Variants in HUNK observed in about 807,000 individuals in gnomAD.
HUNK encodes the protein hormonally up-regulated Neu-associated kinase.
HUNK carries 21 observed loss-of-function variants against 61.0 expected under a neutral mutation model. That is an observed-to-expected ratio of 0.34 (90% CI 0.24 to 0.50). HUNK has a LOEUF of 0.50. Among genes scored for constraint, HUNK ranks in the 20% least tolerant of loss-of-function variants. The pLI, the probability that HUNK is intolerant of heterozygous loss-of-function variation, is 0.98. For synonymous variants in HUNK, 371 were observed against 386.1 expected, an observed-to-expected ratio of 0.96 and a Z score of 0.46; for missense variants, 772 against 945.7, an observed-to-expected ratio of 0.82 and a Z score of 2.41.
chr21:31,878,917 T>C lies in HUNK; in HGVS notation c.261+4982T>C, dbSNP rs185501213. Among the ~76,000 whole-genome samples the C allele has an allele frequency of 1.7e-3, 262 of 152,310 alleles. 1 individual carries two copies. The highest frequency in any genetic ancestry group is 3.1e-3 in the Non-Finnish European group (213 of 68,026). On this transcript the variant is annotated intron_variant, in intron 1 of 10. Coordinates refer to ENST00000270112, the MANE Select transcript of HUNK (RefSeq NM_014586.2). The stretch of plus-strand genomic sequence containing the variant: ...AAAGTTGAGTACATAAAATGATTGG[T>C]TAAGATGTTGAAATATCTTGTTCTA...
chr21:31,883,878 G>A (rs984889643), intron 1 of HUNK, among the ~76,000 whole-genome samples: 5 of 152,156 alleles, frequency 3.3e-5, no homozygotes, highest in Admixed American at 2.6e-4. Flanking sequence ...GTTAACACCG[G>A]TGCCAGTTGG....
At chr21:31,950,048 G>A (rs1328253181) in intron 4 of HUNK, among the ~76,000 whole-genome samples, 1 of 152,208 alleles carries the variant, frequency 6.6e-6, no homozygotes, top group East Asian at 1.9e-4. Flanking sequence ...GACCTACGTG[G>A]TTTGCCCTAG....
At chr21:31,892,498 A>G (rs1439626973) in intron 1 of HUNK, among the ~76,000 whole-genome samples, 1 of 144,166 alleles carries the variant, frequency 6.9e-6, no homozygotes, top group Non-Finnish European at 1.5e-5. Context: ...TGAACCCAGG[A>G]GGCGGAGGTT....
At position 31,958,853 on chromosome 21, in the gene HUNK, A is replaced by G. The variant is rs987113909; in HGVS notation, c.757A>G (p.Met253Val). Residue 253 changes from methionine to valine, a missense_variant, in exon 5 of 11, where the codon ATG (methionine) becomes GTG (valine). Around this residue, in one of 2 missense-constraint regions of HUNK, gnomAD observed 359 missense variants for 501.3 expected, o/e 0.72. Coordinates refer to ENST00000270112, the MANE Select transcript of HUNK (RefSeq NM_014586.2). Reference sequence around the variant, plus strand: ...TGTCTCTCTTTTCAGAGGTGTGAACATGTATGCCATGTTGACCGGGACGCT... The same window carrying G: ...TGTCTCTCTTTTCAGAGGTGTGAACGTGTATGCCATGTTGACCGGGACGCT... ...KIDVWSIGVN[M>V]YAMLTGTLPF... 2 of 1,600,062 alleles carry G rather than the reference A, an allele frequency of 1.2e-6. No homozygotes were observed. Among genetic ancestry groups the G allele is most frequent in the African/African-American group, 2.7e-5 (2 of 74,568 alleles).
chr21:31,932,812 T>C (rs888678413), intron 2 of HUNK, among the ~76,000 whole-genome samples: 1 of 152,026 alleles, frequency 6.6e-6, no homozygotes, highest in Admixed American at 6.6e-5. Context: ...CTGGTTGGTA[T>C]ATCGGTGTTG....
At chr21:31,894,753 A>C (rs1445844388) in intron 1 of HUNK, among the ~76,000 whole-genome samples, 1 of 152,234 alleles carries the variant, frequency 6.6e-6, no homozygotes, top group Admixed American at 6.5e-5. Context: ...TTTAGCAAGC[A>C]GACAGCATTG....
intron 10 of HUNK, among the ~76,000 whole-genome samples, 189 bp downstream of exon 10, chr21:31,996,137 T>G (rs1009453655): frequency 6.6e-6 from 1 of 152,248 alleles, no homozygotes; most frequent in Non-Finnish European, 1.5e-5. Flanking sequence ...ATTAGCCATC[T>G]GTGCAGGAAG....
intron 2 of HUNK, among the ~76,000 whole-genome samples, chr21:31,929,992 A>G (rs1425157416): frequency 6.6e-6 from 1 of 152,240 alleles, no homozygotes; most frequent in Non-Finnish European, 1.5e-5. Context: ...TGCTGAGAGC[A>G]AGCACATATC....
At chr21:31,908,722 T>G (rs73900711) in intron 1 of HUNK, among the ~76,000 whole-genome samples, 4,447 of 152,182 alleles carry the variant, frequency 0.029, 238 homozygotes, top group African/African-American at 0.1. Flanking sequence ...ATCTGTTTGC[T>G]TTTAGATTAT....
At chr21:31,995,592 G>A (rs2053198903) in intron 9 of HUNK, among the ~76,000 whole-genome samples, 176 bp from the exon 10 acceptor site, 1 of 152,198 alleles carries the variant, frequency 6.6e-6, no homozygotes, top group Non-Finnish European at 1.5e-5. Context: ...AGAGGGAGAT[G>A]GGCTTCCTGG....
intron 2 of HUNK, among the ~76,000 whole-genome samples, chr21:31,928,587 C>G (rs2052676693): frequency 6.6e-6 from 1 of 152,166 alleles, no homozygotes; most frequent in Non-Finnish European, 1.5e-5. Flanking sequence ...ACTGGAGATA[C>G]AGGGACGATT....
rs200658316 is a variant in HUNK at position 31,873,664 on chromosome 21, C to CGGGCCGCG, written c.-9_-8insGCCGCGGG. 8.0e-4 allele frequency: 795 copies of CGGGCCGCG among 992,370 alleles called. No individual in the cohort carries two copies. The highest frequency in any genetic ancestry group is 9.4e-4 in the Non-Finnish European group (782 of 835,922). 61.5% of individuals were successfully genotyped at this position (992,370 alleles called of 1,614,324 possible). On this transcript the variant is annotated 5_prime_UTR_variant, in exon 1 of 11. Coordinates refer to ENST00000270112, the MANE Select transcript of HUNK (RefSeq NM_014586.2). The surrounding 1 kb of genome is among the most constrained non-coding windows in gnomAD (Gnocchi z 6.1). ...AGACGAGCAGGAGCCGCGCGGGCCG[C>CGGGCCGCG]GGCGAGCGCGATGCCGGCGGCGGCG...
intron 2 of HUNK, among the ~76,000 whole-genome samples, chr21:31,938,796 C>T (rs867909565): frequency 3.3e-5 from 5 of 152,250 alleles, no homozygotes; most frequent in African/African-American, 1.2e-4. Flanking sequence ...AGTGTTTTTA[C>T]ATAGTTAACA....
At position 31,921,919 on chromosome 21, in the gene HUNK, A is replaced by G. The variant is rs575855752; in HGVS notation, c.262-2549A>G. Among the ~76,000 whole-genome samples the G allele has an allele frequency of 2.6e-5, 4 of 152,060 alleles. No homozygotes were observed. The East Asian group carries it at 7.7e-4, about 29-fold the overall frequency. On this transcript the variant is annotated intron_variant, in intron 1 of 10. Transcript: ENST00000270112. ...GGTTATGATAAGTGAGCATGTTGTG[A>G]AATGGTTACCATGGTCAAGCTCATG... is the stretch of plus-strand genomic sequence containing the variant.
intron 1 of HUNK, among the ~76,000 whole-genome samples, chr21:31,893,189 C>T (rs2052403036): frequency 6.6e-6 from 1 of 151,870 alleles, no homozygotes; most frequent in South Asian, 2.1e-4. Flanking sequence ...TCTACAGCAA[C>T]CCGAGCTACA....
chr21:31,968,025 G>A (rs916253414), intron 5 of HUNK, among the ~76,000 whole-genome samples: 6 of 152,062 alleles, frequency 3.9e-5, no homozygotes, highest in Admixed American at 3.9e-4. Flanking sequence ...AGAGAGAGGG[G>A]GAAATGGGAT....
intron 5 of HUNK, among the ~76,000 whole-genome samples, chr21:31,966,643 T>C (rs1166870040): frequency 5.3e-5 from 8 of 152,172 alleles, no homozygotes; most frequent in Admixed American, 1.3e-4. Flanking sequence ...GAAAATGAGT[T>C]GACAAAAGGC....
chr21:31,907,756 G>A (rs1331926438), intron 1 of HUNK, among the ~76,000 whole-genome samples: 3 of 152,148 alleles, frequency 2.0e-5, no homozygotes, highest in Non-Finnish European at 4.4e-5. Flanking sequence ...CTGGGAGGCC[G>A]AGGCAGGCGG....
intron 1 of HUNK, among the ~76,000 whole-genome samples, chr21:31,889,014 G>A (rs1228262991): frequency 6.6e-6 from 1 of 152,054 alleles, no homozygotes; most frequent in Non-Finnish European, 1.5e-5. Context: ...CTTCTCTTTT[G>A]CGCTGGGGGC....
Sources: gnomAD v4.1 joint callset for allele counts (sites outside exome capture counted in the v4.1 genomes callset) on GRCh38, gnomAD v4.1.1 for gene constraint, gnomAD v4.1.1 regional missense constraint, Gnocchi (gnomAD v3.1) non-coding constraint, MANE v1.5 for transcripts, NCBI Gene and HGNC (gene_info 2026-07-23, HGNC 2026-07-21) for gene names.